KCNIP4: variants seen among roughly 807,000 people sequenced by gnomAD.
KCNIP4 encodes the protein Kv channel-interacting protein 4.
A neutral mutation model predicts 34.0 loss-of-function variants in KCNIP4; 12 were observed. That is an observed-to-expected ratio of 0.35 (90% CI 0.23 to 0.57). KCNIP4 has a LOEUF of 0.57. Among genes scored for constraint, KCNIP4 ranks in the 20% least tolerant of loss-of-function variants. The pLI, the probability that KCNIP4 is intolerant of heterozygous loss-of-function variation, is 0.83. For missense variants in KCNIP4, 238 were observed against 311.7 expected (o/e 0.76, Z 1.78); for synonymous variants, 124 against 102.2 (o/e 1.21, Z -1.29).
chr4:20,762,452 A>G (rs188413741), intron 3 of KCNIP4, among the ~76,000 whole-genome samples: 17 of 152,296 alleles, frequency 1.1e-4, no homozygotes, highest in Admixed American at 9.8e-4. Context: ...ATTCCCAGAG[A>G]TTTTTTATTG....
rs564157731 is a variant in KCNIP4, at chr4:21,741,835, G to A, written c.61+206736C>T. Among the ~76,000 whole-genome samples, 34 of 152,102 alleles carry A rather than the reference G, an allele frequency of 2.2e-4. No homozygotes were observed. The South Asian group carries it at 6.9e-3, about 31-fold the overall frequency. On this transcript the variant is annotated intron_variant, in intron 1 of 8. Coordinates refer to ENST00000382152, the MANE Select transcript of KCNIP4 (RefSeq NM_025221.6). ...AGGCAGATCACAAGGTCAGGAGTTC[G>A]AGACCAGCCTGGCCAACATAGTGAA...
At chr4:20,739,936 A>G (rs189996209) in intron 5 of KCNIP4, among the ~76,000 whole-genome samples, 1 of 152,168 alleles carries the variant, frequency 6.6e-6, no homozygotes, top group Admixed American at 6.5e-5. Flanking sequence ...CACAAGAACT[A>G]TCTGATGCAT....
At chr4:21,512,840 T>C (rs1286973141) in intron 1 of KCNIP4, among the ~76,000 whole-genome samples, 1 of 152,232 alleles carries the variant, frequency 6.6e-6, no homozygotes, top group Non-Finnish European at 1.5e-5. Flanking sequence ...TATATGATAT[T>C]AATCTACTGA....
At chr4:21,040,987 G>A (rs950819686) in intron 1 of KCNIP4, among the ~76,000 whole-genome samples, 2 of 149,338 alleles carry the variant, frequency 1.3e-5, no homozygotes, top group Non-Finnish European at 3.0e-5. Context: ...TACCATGTAA[G>A]ACCAGACCCA....
chr4:20,981,419 A>AAAAGAC lies in KCNIP4; in HGVS notation c.62-98711_62-98710insGTCTTT, dbSNP rs1448144297. On this transcript the variant is annotated intron_variant, in intron 1 of 8. Coordinates refer to ENST00000382152, the MANE Select transcript of KCNIP4 (RefSeq NM_025221.6). ...AAAATATTTCACATGGTATTAGCCA[A>AAAAGAC]TTCAGGAAAAGACTCAAGAATTCCA... Among the ~76,000 whole-genome samples the AAAAGAC allele has an allele frequency of 2.0e-5, 3 of 152,218 alleles. No homozygotes were observed. The East Asian group carries it at 5.8e-4, about 29-fold the overall frequency.
intron 5 of KCNIP4, among the ~76,000 whole-genome samples, chr4:20,742,530 AAAACTCTCAAT>A (rs1453575578): frequency 2.0e-5 from 3 of 152,314 alleles, no homozygotes; most frequent in African/African-American, 7.2e-5. Context: ...CTTCATGCTA[AAAACTCTCAAT>A]AAACTAGGTA....
intron 1 of KCNIP4, among the ~76,000 whole-genome samples, chr4:21,422,276 C>T (rs1040500178): frequency 5.3e-5 from 8 of 151,478 alleles, no homozygotes; most frequent in African/African-American, 1.9e-4. Flanking sequence ...TCTCGGCTCA[C>T]TGCAACCTCC....
chr4:21,838,402 G>T (rs1040416116), intron 1 of KCNIP4, among the ~76,000 whole-genome samples: 10 of 152,182 alleles, frequency 6.6e-5, no homozygotes, highest in African/African-American at 2.4e-4. Context: ...TGGACTGGTA[G>T]CTCACATGGG....
At chr4:21,662,881 G>A (rs1748554163) in intron 1 of KCNIP4, among the ~76,000 whole-genome samples, 1 of 152,120 alleles carries the variant, frequency 6.6e-6, no homozygotes, top group Non-Finnish European at 1.5e-5. Flanking sequence ...CTAATAACTT[G>A]ATTCAAGGGT....
At chr4:20,798,536 CACAGACACACAA>C (rs1373294507) in intron 3 of KCNIP4, among the ~76,000 whole-genome samples, 1 of 151,300 alleles carries the variant, frequency 6.6e-6, no homozygotes, top group Non-Finnish European at 1.5e-5. Flanking sequence ...CACACACACA[CACAGACACACAA>C]AAAAGCTATG....
intron 1 of KCNIP4, among the ~76,000 whole-genome samples, chr4:21,411,009 G>C (rs1270161953): frequency 6.6e-6 from 1 of 152,144 alleles, no homozygotes; most frequent in Non-Finnish European, 1.5e-5. Context: ...AAAGGCAATG[G>C]CAGCAGAAAT....
chr4:21,410,185 C>T (rs530743992), intron 1 of KCNIP4, among the ~76,000 whole-genome samples: 1 of 147,126 alleles, frequency 6.8e-6, no homozygotes, highest in Admixed American at 6.8e-5. Flanking sequence ...AGTGTTCTAC[C>T]TAAAGAGATA....
intron 1 of KCNIP4, among the ~76,000 whole-genome samples, chr4:21,615,724 C>T (rs1363801869): frequency 6.6e-6 from 1 of 152,122 alleles, no homozygotes; most frequent in Admixed American, 6.6e-5. Context: ...TAGATGACTG[C>T]AGTTTTATTC....
intron 1 of KCNIP4, among the ~76,000 whole-genome samples, chr4:21,388,997 TTC>T (rs1722288767): frequency 6.6e-6 from 1 of 151,978 alleles, no homozygotes; most frequent in Non-Finnish European, 1.5e-5. Flanking sequence ...TTTTTTTTTT[TTC>T]TTTGAGACAG....
At chr4:21,582,758 G>A (rs1044801891) in intron 1 of KCNIP4, among the ~76,000 whole-genome samples, 2 of 151,688 alleles carry the variant, frequency 1.3e-5, no homozygotes, top group African/African-American at 4.8e-5. Context: ...TATGAACACT[G>A]GACACAATGC....
At chr4:21,895,360 G>A (rs1349653224) in intron 1 of KCNIP4, among the ~76,000 whole-genome samples, 1 of 151,990 alleles carries the variant, frequency 6.6e-6, no homozygotes, top group African/African-American at 2.4e-5. Context: ...TAGAGTTAAG[G>A]GTGCTGTGAA....
At chr4:21,074,255 T>C (rs559382123) in intron 1 of KCNIP4, among the ~76,000 whole-genome samples, 12 of 152,318 alleles carry the variant, frequency 7.9e-5, no homozygotes, top group Admixed American at 7.8e-4. Flanking sequence ...CGGCTGTGAA[T>C]CTGTCTAGTC....
chr4:21,407,853 T>C (rs12512509), intron 1 of KCNIP4, among the ~76,000 whole-genome samples: 7,409 of 152,238 alleles, frequency 0.049, 466 homozygotes, highest in African/African-American at 0.14. Flanking sequence ...ATAAAAGTTA[T>C]AGTCAGTTGT....
At chr4:21,146,267 G>A (rs1263694464) in intron 1 of KCNIP4, among the ~76,000 whole-genome samples, 2 of 151,990 alleles carry the variant, frequency 1.3e-5, no homozygotes, top group East Asian at 1.9e-4. Context: ...GCGTGGTGGC[G>A]GGCGCCTATA....
Sources: allele counts gnomAD v4.1 joint callset (sites outside exome capture counted in the v4.1 genomes callset), GRCh38; gene constraint gnomAD v4.1.1; transcripts MANE v1.5; gene names NCBI Gene and HGNC (gene_info 2026-07-23, HGNC 2026-07-21).